Variants in TCF24 observed in about 807,000 individuals in gnomAD.
TCF24 encodes transcription factor 24.
Under a neutral mutation model 9.3 loss-of-function variants are expected in TCF24, and 5 were observed. The observed-to-expected ratio is 0.54, with a 90% CI of 0.28 to 1.13. The LOEUF (loss-of-function observed/expected upper bound fraction) is 1.13. Among genes scored for constraint, TCF24 ranks in the 50% most tolerant of loss-of-function variants. TCF24 has a pLI of 0.09. For missense variants in TCF24, 220 were observed against 236.1 expected, an observed-to-expected ratio of 0.93 and a Z score of 0.45; for synonymous variants, 110 against 115.8, an observed-to-expected ratio of 0.95 and a Z score of 0.32.
chr8:66,950,709 C>G (rs1814045472), intron 3 of TCF24, among the ~76,000 whole-genome samples: 1 of 152,296 alleles, frequency 6.6e-6, no homozygotes, highest in African/African-American at 2.4e-5. Flanking sequence ...GACATTGATT[C>G]TTCCTACCCA....
At chr8:66,955,954 C>T (rs1469414049) in intron 3 of TCF24, among the ~76,000 whole-genome samples, 1 of 151,734 alleles carries the variant, frequency 6.6e-6, no homozygotes, top group Non-Finnish European at 1.5e-5. Flanking sequence ...TTTTATGAGA[C>T]AGGGTCTCAT....
intron 3 of TCF24, among the ~76,000 whole-genome samples, chr8:66,960,673 G>A (rs1447577771): frequency 3.3e-5 from 5 of 152,112 alleles, no homozygotes; most frequent in Admixed American, 2.6e-4. Flanking sequence ...AAGAAATTAC[G>A]CAAAATGGAT....
In TCF24 at chr8:66,961,628, C is replaced by A; in HGVS notation, c.138G>T (p.Gly46=). 23 of 1,269,500 alleles carry A rather than the reference C, an allele frequency of 1.8e-5. No individual in the cohort carries two copies. The highest frequency in any genetic ancestry group is 2.3e-5 in the Non-Finnish European group (23 of 1,010,140). 78.6% of individuals were successfully genotyped at this position (1,269,500 alleles called of 1,614,324 possible). A position where few individuals can be genotyped will look rare whatever the true frequency, so the allele number is the denominator to read the frequency against. ...CATTCGCCGCCGCCGGCCGCCCGCTCCCGGAACGCGAGCCGCCCCCAGGGC... is the reference window on the plus strand; with the variant it reads ...CATTCGCCGCCGCCGGCCGCCCGCTACCGGAACGCGAGCCGCCCCCAGGGC... ...PAGPGGGSRS[G]SGRPAAANAA... Residue 46 remains glycine (G), a synonymous_variant, in exon 3 of 4, where the codon GGG becomes GGT. Coordinates refer to ENST00000563496, the MANE Select transcript of TCF24 (RefSeq NM_001193502.2).
At position 66,961,618 on chromosome 8, in the gene TCF24, G is replaced by GCCGC; in HGVS notation, c.144_147dup (p.Pro50AlafsTer111). The GCCGC allele has an allele frequency of 7.8e-7, 1 of 1,281,588 alleles. No homozygotes were observed. The highest frequency in any genetic ancestry group is 9.8e-7 in the Non-Finnish European group (1 of 1,016,778). The allele number at this position is 1,281,588 out of a possible 1,614,324, so 79.4% of individuals were successfully genotyped here. The stretch of plus-strand genomic sequence containing the variant: ...TCCCGCGCCGCATTCGCCGCCGCCG[G>GCCGC]CCGCCCGCTCCCGGAACGCGAGCCG... On this transcript the variant is annotated frameshift_variant, in exon 3 of 4. Transcript: ENST00000563496. LOFTEE classifies it high-confidence loss of function.
Position 66,961,645 on chromosome 8 carries a change from CCCCAGGGCCCGCCGGCCCCG to C in TCF24, c.101_120del (p.Pro34ArgfsTer119). 8.2e-7 allele frequency: 1 copy of C among 1,214,150 alleles called. No homozygotes were observed. The highest frequency in any genetic ancestry group is 1.0e-6 in the Non-Finnish European group (1 of 979,064). The allele number at this position is 1,214,150 out of a possible 1,614,324, so 75.2% of individuals were successfully genotyped here. A position where few individuals can be genotyped will look rare whatever the true frequency, so the allele number is the denominator to read the frequency against. On this transcript the variant is annotated frameshift_variant, in exon 3 of 4. Coordinates refer to ENST00000563496, the MANE Select transcript of TCF24 (RefSeq NM_001193502.2). LOFTEE classifies it high-confidence loss of function. Reference sequence around the variant, plus strand: ...CGCCCGCTCCCGGAACGCGAGCCGCCCCCAGGGCCCGCCGGCCCCGGCCCGGTCCGCCCGGGACGCGAGTC... The same window carrying C: ...CGCCCGCTCCCGGAACGCGAGCCGCCGCCCGGTCCGCCCGGGACGCGAGTC...
chr8:66,957,527 C>T (rs899639320), intron 3 of TCF24, among the ~76,000 whole-genome samples: 2 of 151,920 alleles, frequency 1.3e-5, no homozygotes, highest in African/African-American at 2.4e-5. Flanking sequence ...ATAGCCCTTC[C>T]GAGGAACTAA....
intron 3 of TCF24, among the ~76,000 whole-genome samples, chr8:66,949,090 C>G (rs946026764): frequency 9.2e-5 from 14 of 151,888 alleles, no homozygotes; most frequent in Non-Finnish European, 2.9e-5. Context: ...TTGACATCAT[C>G]TAGCTCTTTT....
intron 3 of TCF24, among the ~76,000 whole-genome samples, chr8:66,959,841 T>C (rs1443377231): frequency 6.6e-6 from 1 of 152,142 alleles, no homozygotes; most frequent in Admixed American, 6.5e-5. Context: ...TAAAAACAGT[T>C]ATGATTACAA....
At chr8:66,951,405 C>T (rs1283045605) in intron 3 of TCF24, among the ~76,000 whole-genome samples, 1 of 141,656 alleles carries the variant, frequency 7.1e-6, no homozygotes, top group East Asian at 2.1e-4. Flanking sequence ...TATTGATTTG[C>T]GTATATTGAA....
intron 3 of TCF24, among the ~76,000 whole-genome samples, chr8:66,960,977 G>A (rs559099059): frequency 4.8e-4 from 73 of 152,286 alleles, no homozygotes; most frequent in Non-Finnish European, 9.3e-4. Flanking sequence ...AAAAATCAAT[G>A]AAAGCGTAAT....
chr8:66,948,002 A>G lies in TCF24; in HGVS notation c.*49T>C. The stretch of plus-strand genomic sequence containing the variant: ...AATAAATATAGAATTATGTCATAGT[A>G]TTTAAAAACAATAGCCACCACTTCT... On this transcript the variant is annotated 3_prime_UTR_variant, in exon 4 of 4. Transcript: ENST00000563496. 1 of 1,309,662 alleles carries G rather than the reference A, an allele frequency of 7.6e-7. No individual in the cohort carries two copies. Among genetic ancestry groups the G allele is most frequent in the East Asian group, 2.5e-5 (1 of 39,250 alleles). 81.1% of individuals were successfully genotyped at this position (1,309,662 alleles called of 1,614,324 possible). A position where few individuals can be genotyped will look rare whatever the true frequency, so the allele number is the denominator to read the frequency against.
In TCF24 at chr8:66,948,089, T is replaced by G. The variant is rs1418269744; in HGVS notation, c.466A>C (p.Thr156Pro). 1 of 1,534,962 alleles carries G rather than the reference T, an allele frequency of 6.5e-7. No homozygotes were observed. The highest frequency in any genetic ancestry group is 1.4e-5 in the African/African-American group (1 of 73,044). ...FLKHSVSGEK[T>P]NHDNTPTDSQ... ...TCTGTTGGAGTGTTGTCATGATTTG[T>G]TTTTTCTCCAGAAACAGAATGCTTC... is the stretch of plus-strand genomic sequence containing the variant. Residue 156 changes from threonine (T) to proline (P), a missense_variant, in exon 4 of 4, where the codon ACA becomes CCA. Thr to Pro is a conservative substitution (Grantham distance 38). Coordinates refer to ENST00000563496, the MANE Select transcript of TCF24 (RefSeq NM_001193502.2).
chr8:66,959,891 C>T (rs1440505100), intron 3 of TCF24, among the ~76,000 whole-genome samples: 2 of 152,138 alleles, frequency 1.3e-5, no homozygotes, highest in Non-Finnish European at 2.9e-5. Flanking sequence ...AAGACGCTTG[C>T]TATGCTTATT....
At chr8:66,948,654 A>ACTACCTATCTATCTAT (rs753354852) in intron 3 of TCF24, among the ~76,000 whole-genome samples, 1 of 146,532 alleles carries the variant, frequency 6.8e-6, no homozygotes, top group Non-Finnish European at 1.5e-5. Flanking sequence ...AAAAGTGTCA[A>ACTACCTATCTATCTAT]CTATCTATCT....
At chr8:66,961,294 T>G in intron 3 of TCF24, 82 bp downstream of exon 3, 2 of 1,330,442 alleles carry the variant, frequency 1.5e-6, no homozygotes, top group Non-Finnish European at 1.9e-6. Flanking sequence ...AATTAGAGCA[T>G]CTACCCAAGA....
In TCF24 at chr8:66,947,599, A is replaced by G. The variant is rs1335168757; in HGVS notation, c.*452T>C. On this transcript the variant is annotated 3_prime_UTR_variant, in exon 4 of 4. Transcript: ENST00000563496. ...CATATTACTGCAACAGTTTTCTTCA[A>G]TTGAAATGGTGTCTTAGATCAACTT... is the stretch of plus-strand genomic sequence containing the variant. 1 of 152,388 alleles carries G rather than the reference A, an allele frequency of 6.6e-6. No homozygotes were observed. The highest frequency in any genetic ancestry group is 1.5e-5 in the Non-Finnish European group (1 of 68,176). 9.4% of individuals were successfully genotyped at this position (152,388 alleles called of 1,614,324 possible).
Position 66,961,568 on chromosome 8 carries a change from C to G in TCF24, c.198G>C (p.Arg66=). The G allele has an allele frequency of 6.7e-7, 1 of 1,494,632 alleles. No homozygotes were observed. Among genetic ancestry groups the G allele is most frequent in the Non-Finnish European group, 8.9e-7 (1 of 1,129,298 alleles). 92.6% of individuals were successfully genotyped at this position (1,494,632 alleles called of 1,614,324 possible). Residue 66 remains arginine, a synonymous_variant, in exon 3 of 4, where the codon CGG becomes CGC. Coordinates refer to ENST00000563496, the MANE Select transcript of TCF24 (RefSeq NM_001193502.2). ...TGCGCTGCAGCTCCAGGAAAGCGTG[C>G]CGCAGGGTCTGCACCCGGCTGCGCT... ...ARERSRVQTL[R]HAFLELQRTL...
At chr8:66,957,299 C>G (rs572215593) in intron 3 of TCF24, among the ~76,000 whole-genome samples, 1 of 150,366 alleles carries the variant, frequency 6.7e-6, no homozygotes, top group South Asian at 2.1e-4. Context: ...CATCCATAAT[C>G]CCAGCTACTT....
rs1308687905 is a variant in TCF24, at chr8:66,946,879, T to C, written c.*1172A>G. On this transcript the variant is annotated 3_prime_UTR_variant, in exon 4 of 4. Transcript: ENST00000563496. ...ATCTTAAGAATTATTAGCAAGAAAA[T>C]CATTTTTCTGAAATTCTTGCTGTTA... The C allele has an allele frequency of 6.6e-6, 1 of 152,126 alleles. No homozygotes were observed. The highest frequency in any genetic ancestry group is 1.9e-4 in the East Asian group (1 of 5,196). 9.4% of individuals were successfully genotyped at this position (152,126 alleles called of 1,614,324 possible).
Sources: allele counts gnomAD v4.1 joint callset (sites outside exome capture counted in the v4.1 genomes callset), GRCh38; gene constraint gnomAD v4.1.1; transcripts MANE v1.5; gene names NCBI Gene and HGNC (gene_info 2026-07-23, HGNC 2026-07-21).